Variants in EPB41 observed in about 807,000 individuals in gnomAD.
EPB41 encodes erythrocyte membrane protein band 4.1, also known as protein 4.1.
In EPB41, 65 loss-of-function variants were observed where a neutral mutation model predicts 108.0. That is an observed-to-expected ratio of 0.60 (90% CI 0.49 to 0.74). The LOEUF (loss-of-function observed/expected upper bound fraction) is 0.74. Ranked by LOEUF, EPB41 falls within the 30% of genes least tolerant of loss-of-function variation. EPB41 has a pLI of 0.00. For missense variants in EPB41, 875 were observed against 1,037.0 expected (o/e 0.84, Z 2.15); for synonymous variants, 336 against 358.9 (o/e 0.94, Z 0.72).
chr1:28,987,377 AC>A, intron 1 of EPB41, 53 bp from the exon 2 acceptor site: 1 of 1,511,652 alleles, frequency 6.6e-7, no homozygotes, highest in African/African-American at 1.4e-5. Context: ...GGTTTTGCCA[AC>A]AGTAATGTGT....
intron 16 of EPB41, among the ~76,000 whole-genome samples, chr1:29,081,610 T>G (rs573858129): frequency 6.6e-6 from 1 of 152,100 alleles, no homozygotes; most frequent in South Asian, 2.1e-4. Context: ...CCGAACTGGG[T>G]GGATCGCCTG....
Position 28,914,609 on chromosome 1 carries a change from G to GCTCC in EPB41, c.-158_-155dup, listed in dbSNP as rs1193677732. 6 of 151,784 alleles carry GCTCC rather than the reference G, an allele frequency of 4.0e-5. No homozygotes were observed. Among genetic ancestry groups the GCTCC allele is most frequent in the Non-Finnish European group, 5.9e-5 (4 of 67,900 alleles). 9.4% of individuals were successfully genotyped at this position (151,784 alleles called of 1,614,324 possible). ...GGGCGCGCGCCAGGGTCGCTCGCTCGCTCCCTCCCTCCGCTGGTGCGTTTA... is the reference window on the plus strand; with the variant it reads ...GGGCGCGCGCCAGGGTCGCTCGCTCGCTCCCTCCCTCCCTCCGCTGGTGCGTTTA... On this transcript the variant is annotated 5_prime_UTR_variant, in exon 1 of 21. Transcript: ENST00000343067.
chr1:28,982,535 C>T (rs1248753519), intron 1 of EPB41: 16 of 1,188,818 alleles, frequency 1.3e-5, no homozygotes, highest in Middle Eastern at 2.8e-4. Flanking sequence ...ATGTTCTTCA[C>T]GATGACGGCT....
chr1:28,997,283 T>G lies in EPB41; in HGVS notation c.750T>G (p.Tyr250Ter). ...CEHLNLLEED[Y>*]FGLAIWDNAT... ...ATCTCAATCTTTTGGAAGAAGACTA[T>G]TTTGGTCTAGCCATTTGGGATAACG... is the stretch of plus-strand genomic sequence containing the variant. The change falls in exon 4 of 21, where the codon TAT (tyrosine) becomes TAG (stop). Residue 250 changes from tyrosine (Y) to a stop codon, truncating the protein, a stop_gained. Coordinates refer to ENST00000343067, the MANE Select transcript of EPB41 (RefSeq NM_001376013.1). LOFTEE classifies it high-confidence loss of function. 1 of 1,614,012 alleles carries G rather than the reference T, an allele frequency of 6.2e-7. No homozygotes were observed. The highest frequency in any genetic ancestry group is 8.5e-7 in the Non-Finnish European group (1 of 1,179,846).
chr1:29,094,732 C>G (rs1329843712), intron 16 of EPB41, among the ~76,000 whole-genome samples: 1 of 152,116 alleles, frequency 6.6e-6, no homozygotes, highest in Non-Finnish European at 1.5e-5. Flanking sequence ...CTTCTTCCAC[C>G]TAGAGCACCT....
At chr1:28,956,758 A>G (rs552418074) in intron 1 of EPB41, among the ~76,000 whole-genome samples, 6 of 152,370 alleles carry the variant, frequency 3.9e-5, no homozygotes, top group Non-Finnish European at 8.8e-5. Flanking sequence ...TCTTCTGATT[A>G]GGTACTGTGG....
At chr1:28,965,428 A>T (rs1000086789) in intron 1 of EPB41, among the ~76,000 whole-genome samples, 3 of 152,102 alleles carry the variant, frequency 2.0e-5, no homozygotes, top group African/African-American at 7.2e-5. Flanking sequence ...AGTATAGGGT[A>T]TTATTACTTA....
rs141085840 is a variant in EPB41 at position 28,892,467 on chromosome 1, A to C, written c.-8+5257A>C. Among the ~76,000 whole-genome samples the C allele has an allele frequency of 3.2e-3, 485 of 152,274 alleles. 3 individuals are homozygous for C. Among genetic ancestry groups the C allele is most frequent in the African/African-American group, 0.011 (463 of 41,550 alleles). ...CCAGGCGTGGTGGCTCAAGCCTATA[A>C]TCCCAGCACTTTGGGAGGCTGAGGT... is the stretch of plus-strand genomic sequence containing the variant. On this transcript the variant is annotated intron_variant, in intron 1 of 16. Transcript: ENST00000347529.
At chr1:29,065,207 GTT>G in intron 16 of EPB41, 49 bp downstream of exon 16, 4 of 1,519,090 alleles carry the variant, frequency 2.6e-6, no homozygotes, top group Non-Finnish European at 3.5e-6. Context: ...GGGAATAAAT[GTT>G]TTTATGTATT....
chr1:29,090,100 C>T (rs1660649370), intron 16 of EPB41, among the ~76,000 whole-genome samples: 1 of 152,008 alleles, frequency 6.6e-6, no homozygotes, highest in African/African-American at 2.4e-5. Context: ...CCTGTCTCAA[C>T]TAAAAATACA....
At chr1:29,012,582 G>T (rs1298482957) in intron 5 of EPB41, among the ~76,000 whole-genome samples, 1 of 152,128 alleles carries the variant, frequency 6.6e-6, no homozygotes, top group Non-Finnish European at 1.5e-5. Flanking sequence ...GCAGTTCCAG[G>T]CCCAATGGCT....
rs746547464 is a variant in EPB41, at chr1:29,053,183, T to A, written c.1716T>A (p.Gly572=). Residue 572 remains glycine (G), a synonymous_variant, in exon 12 of 21, where the codon GGT becomes GGA. Transcript: ENST00000343067. ...TTACTCAGGGTCAGGTTGCAGAAGG[T>A]GGCGTCCTAGATGCCTCTGCTAAAA... ...PAITQGQVAE[G]GVLDASAKKT... is the part of the protein sequence containing the mutation. 8 of 1,614,036 alleles carry A rather than the reference T, an allele frequency of 5.0e-6. No homozygotes were observed. In the African/African-American group the frequency reaches 1.1e-4, roughly 22 times the overall value.
At chr1:28,972,893 T>C (rs1001087421) in intron 1 of EPB41, among the ~76,000 whole-genome samples, 5 of 152,116 alleles carry the variant, frequency 3.3e-5, no homozygotes, top group African/African-American at 1.2e-4. Flanking sequence ...TGTGAGCCAC[T>C]GCAAGGCTTC....
In EPB41 at chr1:29,024,814, G is replaced by A. The variant is rs534944414; in HGVS notation, c.1125-5586G>A. ...ATGGATATAGTTCAGCTGATATTCT[G>A]TTAGAGATGTGGTAGAAATTGAGCA... On this transcript the variant is annotated intron_variant, in intron 7 of 20. Coordinates refer to ENST00000343067, the MANE Select transcript of EPB41 (RefSeq NM_001376013.1). Among the ~76,000 whole-genome samples, 78 of 152,096 alleles carry A rather than the reference G, an allele frequency of 5.1e-4. 1 individual carries two copies. The South Asian group carries it at 0.011, about 21-fold the overall frequency.
In EPB41 at chr1:28,924,283, C is replaced by T. The variant is rs1033217150; in HGVS notation, c.-8+9515C>T. On this transcript the variant is annotated intron_variant, in intron 1 of 20. Transcript: ENST00000343067. Reference sequence around the variant, plus strand: ...GTGGCTCATGCCTGTAATCCCAACACTTTGGGAGGCCAAGGTGGGTGGATC... The same window carrying T: ...GTGGCTCATGCCTGTAATCCCAACATTTTGGGAGGCCAAGGTGGGTGGATC... Among the ~76,000 whole-genome samples, 18 of 152,360 alleles carry T rather than the reference C, an allele frequency of 1.2e-4. No homozygotes were observed. In the East Asian group the frequency reaches 3.1e-3, roughly 26 times the overall value.
At chr1:29,029,836 C>A (rs763978729) in intron 7 of EPB41, among the ~76,000 whole-genome samples, 4 of 152,140 alleles carry the variant, frequency 2.6e-5, no homozygotes, top group Non-Finnish European at 4.4e-5. Flanking sequence ...TATCAGTGGG[C>A]AGGACACCAT....
rs1327488631 is a variant in EPB41, at chr1:29,119,455, T to A, written c.*2643T>A. 6.6e-6 allele frequency: 1 copy of A among 152,582 alleles called. No individual in the cohort carries two copies. Among genetic ancestry groups the A allele is most frequent in the Non-Finnish European group, 1.5e-5 (1 of 68,056 alleles). 9.5% of individuals were successfully genotyped at this position (152,582 alleles called of 1,614,324 possible). A position where few individuals can be genotyped will look rare whatever the true frequency, so the allele number is the denominator to read the frequency against. ...ACTCTCGCTGCAATTTTATTTTAAT[T>A]TGAGAAATAAAGATTTCCTCCAAGC... is the stretch of plus-strand genomic sequence containing the variant. On this transcript the variant is annotated 3_prime_UTR_variant, in exon 21 of 21. Coordinates refer to ENST00000343067, the MANE Select transcript of EPB41 (RefSeq NM_001376013.1).
chr1:28,992,887 G>A (rs887764310), intron 2 of EPB41, among the ~76,000 whole-genome samples: 5 of 152,292 alleles, frequency 3.3e-5, no homozygotes, highest in African/African-American at 1.2e-4. Flanking sequence ...TTGGTCCCAA[G>A]CATTTCTCTT....
intron 1 of EPB41, chr1:28,890,794 T>G: frequency 1.4e-5 from 6 of 432,220 alleles, no homozygotes; most frequent in Non-Finnish European, 1.9e-5. Flanking sequence ...AGCTGGGAAG[T>G]GGCCGAGCTG....
Sources: gnomAD v4.1 joint callset for allele counts (sites outside exome capture counted in the v4.1 genomes callset) on GRCh38, gnomAD v4.1.1 for gene constraint, MANE v1.5 for transcripts, NCBI Gene and HGNC (gene_info 2026-07-23, HGNC 2026-07-21) for gene names.